The following GPATCH2 variants were observed in gnomAD, a reference collection of about 807,000 sequenced individuals.
GPATCH2 encodes G-patch domain containing 2.
A neutral mutation model predicts 58.0 loss-of-function variants in GPATCH2; 51 were observed. That is an observed-to-expected ratio of 0.88 (90% CI 0.70 to 1.11). The LOEUF (loss-of-function observed/expected upper bound fraction) is 1.11, where lower values mean the gene tolerates loss of function less well. Ranked by LOEUF, GPATCH2 falls within the 50% of genes most tolerant of loss-of-function variation. The pLI is 0.00. For synonymous variants in GPATCH2, 222 were observed against 218.5 expected (o/e 1.02, Z -0.14); for missense variants, 625 against 652.2 (o/e 0.96, Z 0.45).
intron 5 of GPATCH2, among the ~76,000 whole-genome samples, chr1:217,571,728 GAAGAAAAT>G (rs1666559792): frequency 9.3e-6 from 1 of 107,038 alleles, no homozygotes; most frequent in Non-Finnish European, 2.1e-5. Flanking sequence ...AAACAAAAAA[GAAGAAAAT>G]AAGAAAATTA....
chr1:217,626,352 C>T (rs1669454404), intron 1 of GPATCH2, among the ~76,000 whole-genome samples: 1 of 152,140 alleles, frequency 6.6e-6, no homozygotes, highest in African/African-American at 2.4e-5. Context: ...AAACTTAACA[C>T]AAAGATAGTC....
intron 5 of GPATCH2, among the ~76,000 whole-genome samples, chr1:217,547,297 A>C (rs1241456306): frequency 6.6e-6 from 1 of 151,790 alleles, no homozygotes; most frequent in Non-Finnish European, 1.5e-5. Context: ...TGGGAGGCAG[A>C]GGTTGCAGTG....
intron 9 of GPATCH2, among the ~76,000 whole-genome samples, chr1:217,432,415 C>T (rs1658585082): frequency 6.6e-6 from 1 of 152,142 alleles, no homozygotes; most frequent in South Asian, 2.1e-4. Flanking sequence ...TACTAGATAT[C>T]TGAAATCCAA....
intron 8 of GPATCH2, among the ~76,000 whole-genome samples, chr1:217,490,820 G>A (rs958566403): frequency 4.6e-5 from 7 of 152,146 alleles, no homozygotes; most frequent in Admixed American, 1.3e-4. Context: ...ATCACTGATG[G>A]TGAATTATCC....
At chr1:217,531,335 A>C (rs1008033656) in intron 5 of GPATCH2, among the ~76,000 whole-genome samples, 7 of 152,238 alleles carry the variant, frequency 4.6e-5, no homozygotes, top group Non-Finnish European at 8.8e-5. Context: ...ACAGTGAAAC[A>C]TGTGCTGAAT....
chr1:217,582,631 A>G (rs966341656), intron 5 of GPATCH2, among the ~76,000 whole-genome samples: 1 of 152,200 alleles, frequency 6.6e-6, no homozygotes, highest in Admixed American at 6.5e-5. Context: ...GTAATGCTCA[A>G]AAGATAATGC....
intron 9 of GPATCH2, among the ~76,000 whole-genome samples, chr1:217,436,502 T>C (rs1658839725): frequency 6.6e-6 from 1 of 152,202 alleles, no homozygotes; most frequent in African/African-American, 2.4e-5. Context: ...CCTGATTCCC[T>C]ATAAGAATTT....
chr1:217,615,489 T>C (rs1668842594), intron 2 of GPATCH2, among the ~76,000 whole-genome samples: 1 of 152,108 alleles, frequency 6.6e-6, no homozygotes, highest in Non-Finnish European at 1.5e-5. Context: ...TGTGAGAGTG[T>C]TAAAATCACC....
In GPATCH2 at chr1:217,532,528, G is replaced by A. The variant is rs147173428; in HGVS notation, c.1099-17639C>T. 1.8e-3 allele frequency among the ~76,000 whole-genome samples: 269 copies of A among 152,168 alleles called. 2 individuals are homozygous for A. The highest frequency in any genetic ancestry group is 5.9e-3 in the African/African-American group (245 of 41,510). On this transcript the variant is annotated intron_variant, in intron 5 of 9. Coordinates refer to ENST00000366935, the MANE Select transcript of GPATCH2 (RefSeq NM_018040.5). ...ACTGAAAAGGCCCCTGAATTTATGG[G>A]ACTGACATTTTACTCTAGAGAGCCA...
intron 6 of GPATCH2, among the ~76,000 whole-genome samples, chr1:217,504,602 C>T (rs1190102203): frequency 6.6e-6 from 1 of 152,124 alleles, no homozygotes; most frequent in Non-Finnish European, 1.5e-5. Context: ...CATGAATTAT[C>T]TCATTCAATT....
At chr1:217,520,626 T>A (rs935897497) in intron 5 of GPATCH2, among the ~76,000 whole-genome samples, 1 of 152,200 alleles carries the variant, frequency 6.6e-6, no homozygotes, top group African/African-American at 2.4e-5. Flanking sequence ...TATTTTTACC[T>A]GTTAGTCAAG....
chr1:217,518,084 A>G (rs1663259107), intron 5 of GPATCH2, among the ~76,000 whole-genome samples: 1 of 152,162 alleles, frequency 6.6e-6, no homozygotes, highest in Non-Finnish European at 1.5e-5. Flanking sequence ...GAAATAAAGC[A>G]GATATATTTC....
chr1:217,431,361 A>G lies in GPATCH2; in HGVS notation c.1371T>C (p.Phe457=). ...GGATTGGCTGGGCATTTTCACCTAC[A>G]AATCCTGAAATGATAAAACAACAGC... ...APLPGPTTAG[F]VGENAQPILE... The change falls in exon 10 of 10, where the codon TTT becomes TTC. Residue 457 remains phenylalanine, a synonymous_variant. Transcript: ENST00000366935. 1 of 1,530,854 alleles carries G rather than the reference A, an allele frequency of 6.5e-7. No individual in the cohort carries two copies. 94.8% of individuals were successfully genotyped at this position (1,530,854 alleles called of 1,614,324 possible). A position where few individuals can be genotyped will look rare whatever the true frequency, so the allele number is the denominator to read the frequency against.
intron 8 of GPATCH2, among the ~76,000 whole-genome samples, chr1:217,477,228 C>G (rs146484399): frequency 6.6e-6 from 1 of 152,058 alleles, no homozygotes; most frequent in Non-Finnish European, 1.5e-5. Context: ...TAACAAGCAG[C>G]GATACCTAGG....
chr1:217,440,982 T>C lies in GPATCH2; in HGVS notation c.1366+8267A>G, dbSNP rs577827417. On this transcript the variant is annotated intron_variant, in intron 9 of 9. Coordinates refer to ENST00000366935, the MANE Select transcript of GPATCH2 (RefSeq NM_018040.5). ...ATCCCCATCAAGCTAACATTGACTT[T>C]CTTCACAGAATTGGAAAAAACTACT... 3.2e-3 allele frequency among the ~76,000 whole-genome samples: 484 copies of C among 152,288 alleles called. 4 individuals carry two copies. Among genetic ancestry groups the C allele is most frequent in the African/African-American group, 0.011 (457 of 41,546 alleles).
chr1:217,522,831 T>TACACACACACAC (rs140850986), intron 5 of GPATCH2, among the ~76,000 whole-genome samples: 12 of 149,238 alleles, frequency 8.0e-5, no homozygotes, highest in Admixed American at 2.0e-4. Flanking sequence ...ACTTGTTCAA[T>TACACACACACAC]ACACACACAC....
intron 1 of GPATCH2, among the ~76,000 whole-genome samples, chr1:217,623,530 T>C (rs1170348009): frequency 2.6e-5 from 4 of 152,112 alleles, no homozygotes; most frequent in African/African-American, 9.7e-5. Flanking sequence ...CAGTTATATA[T>C]GCAAAATTTC....
At chr1:217,527,341 GT>G (rs1663960091) in intron 5 of GPATCH2, among the ~76,000 whole-genome samples, 1 of 152,130 alleles carries the variant, frequency 6.6e-6, no homozygotes, top group Non-Finnish European at 1.5e-5. Context: ...TGTGAGGTGA[GT>G]TCTGGACAAT....
At chr1:217,445,023 T>C (rs555458976) in intron 9 of GPATCH2, among the ~76,000 whole-genome samples, 1 of 152,232 alleles carries the variant, frequency 6.6e-6, no homozygotes, top group South Asian at 2.1e-4. Flanking sequence ...TATTGAAATA[T>C]CAGTAGGACG....
Sources: allele counts gnomAD v4.1 joint callset (sites outside exome capture counted in the v4.1 genomes callset), GRCh38; gene constraint gnomAD v4.1.1; transcripts MANE v1.5; gene names NCBI Gene and HGNC (gene_info 2026-07-23, HGNC 2026-07-21).